Variants in GRIA3 observed in about 807,000 individuals in gnomAD.
GRIA3 encodes glutamate receptor 3.
GRIA3 carries 3 observed loss-of-function variants against 63.0 expected under a neutral mutation model. That is an observed-to-expected ratio of 0.05 (90% CI 0.02 to 0.12). The LOEUF (loss-of-function observed/expected upper bound fraction) is 0.12, where lower values mean the gene tolerates loss of function less well. Ranked by LOEUF, GRIA3 falls within the 10% of genes least tolerant of loss-of-function variation. GRIA3 has a pLI of 1.00. For missense variants in GRIA3, 347 were observed against 700.9 expected, an observed-to-expected ratio of 0.50 and a Z score of 5.70; for synonymous variants, 274 against 257.9, an observed-to-expected ratio of 1.06 and a Z score of -0.60.
intron 2 of GRIA3, among the ~76,000 whole-genome samples, chrX:123,229,183 G>A (rs1204390044): frequency 9.0e-6 from 1 of 111,213 alleles, no homozygotes; most frequent in African/African-American, 3.3e-5. Flanking sequence ...GGCCAGCAGT[G>A]TACTCAAGGG....
At chrX:123,356,516 G>T (rs2045134930) in intron 5 of GRIA3, among the ~76,000 whole-genome samples, 1 of 111,518 alleles carries the variant, frequency 9.0e-6, no homozygotes, top group African/African-American at 3.3e-5. Context: ...TCCTTACTAT[G>T]TATTAGAAAA....
intron 3 of GRIA3, among the ~76,000 whole-genome samples, chrX:123,277,734 G>A (rs2044563356): frequency 8.9e-6 from 1 of 112,158 alleles, no homozygotes; most frequent in Admixed American, 9.5e-5. Flanking sequence ...TCAAATCACA[G>A]TTCTATGTCG....
intron 3 of GRIA3, among the ~76,000 whole-genome samples, chrX:123,313,420 A>AG (rs1315919192): frequency 5.4e-5 from 6 of 111,236 alleles, no homozygotes; most frequent in Non-Finnish European, 1.1e-4. Flanking sequence ...TACCTTTGAC[A>AG]GCCCTCCAAT....
At chrX:123,246,007 C>A (rs1011637401) in intron 2 of GRIA3, among the ~76,000 whole-genome samples, 3 of 111,007 alleles carry the variant, frequency 2.7e-5, no homozygotes, top group Non-Finnish European at 5.7e-5. Context: ...TCAGAGCTGC[C>A]CTCCAAGGGA....
At chrX:123,205,142 C>G (rs150326109) in intron 2 of GRIA3, among the ~76,000 whole-genome samples, 1,795 of 111,599 alleles carry the variant, frequency 0.016, 7 homozygotes, top group Non-Finnish European at 0.025. Flanking sequence ...ATCCACTTTA[C>G]AGTTTAAAGA....
chrX:123,237,438 A>G (rs2044307551), intron 2 of GRIA3, among the ~76,000 whole-genome samples: 2 of 112,041 alleles, frequency 1.8e-5, no homozygotes, highest in African/African-American at 6.5e-5. Flanking sequence ...CTTAGGGCCC[A>G]GTCACTGCGT....
At chrX:123,262,929 C>A (rs183722997) in intron 3 of GRIA3, among the ~76,000 whole-genome samples, 3 of 111,108 alleles carry the variant, frequency 2.7e-5, no homozygotes, top group African/African-American at 9.8e-5. Context: ...TGCTCCCAAA[C>A]GTCACAGCTC....
chrX:123,438,544 A>G (rs1421427674), intron 12 of GRIA3, among the ~76,000 whole-genome samples: 1 of 111,594 alleles, frequency 9.0e-6, no homozygotes, highest in East Asian at 2.8e-4. Context: ...TTTTTCCAAG[A>G]TGGAGTCTTG....
At chrX:123,191,006 G>A (rs893348341) in intron 2 of GRIA3, among the ~76,000 whole-genome samples, 1 of 112,013 alleles carries the variant, frequency 8.9e-6, no homozygotes, top group Non-Finnish European at 1.9e-5. Context: ...TTATACAGTT[G>A]GTTTAAGGAT....
At chrX:123,191,883 T>C (rs1367395981) in intron 2 of GRIA3, among the ~76,000 whole-genome samples, 1 of 111,221 alleles carries the variant, frequency 9.0e-6, no homozygotes, top group African/African-American at 3.3e-5. Flanking sequence ...AGGGTTAATA[T>C]ATGTAACGGG....
chrX:123,322,566 CT>C lies in GRIA3; in HGVS notation c.509-3451del, dbSNP rs200856060. Among the ~76,000 whole-genome samples, 51 of 110,125 alleles carry C rather than the reference CT, an allele frequency of 4.6e-4. No homozygotes were observed. The East Asian group carries it at 9.8e-3, about 21-fold the overall frequency. ...TCTGCCTCCTGTGTCAAATTTTTCT[CT>C]TTTTTTTTCTCCCTCAAGCGCATAT... On this transcript the variant is annotated intron_variant, in intron 3 of 15. Transcript: ENST00000620443.
intron 2 of GRIA3, among the ~76,000 whole-genome samples, chrX:123,204,850 A>C (rs950668358): frequency 1.8e-5 from 2 of 112,028 alleles, no homozygotes; most frequent in Non-Finnish European, 3.8e-5. Context: ...GCCTAAAGAT[A>C]ATTTCTCTTC....
At chrX:123,325,981 A>T in intron 3 of GRIA3, 45 bp from the exon 4 acceptor site, 6 of 1,072,958 alleles carry the variant, frequency 5.6e-6, no homozygotes, top group Non-Finnish European at 6.5e-6. Flanking sequence ...TTTAATACCT[A>T]CAGAAAGATT....
chrX:123,293,718 C>T (rs1396287123), intron 3 of GRIA3, among the ~76,000 whole-genome samples: 1 of 110,226 alleles, frequency 9.1e-6, no homozygotes, highest in Non-Finnish European at 1.9e-5. Flanking sequence ...GAAGAAGACA[C>T]TGGATATTAA....
rs1603060310 is a variant in GRIA3 at position 123,271,472 on chromosome X, G to A, written c.508+17930G>A. On this transcript the variant is annotated intron_variant, in intron 3 of 15. Coordinates refer to ENST00000620443, the MANE Select transcript of GRIA3 (RefSeq NM_007325.5). ...TTCACACAGCTAATGAGCAGTGAAC[G>A]CGGGACTAAAGCCCGTTTCCTAACA... 2.7e-5 allele frequency among the ~76,000 whole-genome samples: 3 copies of A among 111,689 alleles called. No homozygotes were observed. In the Admixed American group the frequency reaches 2.9e-4, roughly 11 times the overall value.
At chrX:123,262,917 A>G (rs1158567037) in intron 3 of GRIA3, among the ~76,000 whole-genome samples, 7 of 111,293 alleles carry the variant, frequency 6.3e-5, no homozygotes, top group Non-Finnish European at 1.3e-4. Flanking sequence ...CATTCCCATC[A>G]ATGCTCCCAA....
At chrX:123,213,857 G>A (rs932865261) in intron 2 of GRIA3, among the ~76,000 whole-genome samples, 26 of 112,070 alleles carry the variant, frequency 2.3e-4, no homozygotes, top group African/African-American at 8.1e-4. Flanking sequence ...ATGCAGCAGG[G>A]CAGCTTTCTC....
At chrX:123,337,556 T>G (rs992895447) in intron 4 of GRIA3, among the ~76,000 whole-genome samples, 5 of 111,461 alleles carry the variant, frequency 4.5e-5, no homozygotes, top group African/African-American at 1.6e-4. Context: ...AATCAGAACC[T>G]GGGGATTATG....
chrX:123,461,305 C>T (rs938888512), intron 12 of GRIA3, among the ~76,000 whole-genome samples: 1 of 112,031 alleles, frequency 8.9e-6, no homozygotes, highest in Admixed American at 9.4e-5. Context: ...GGAAGACAGA[C>T]ACATAGTCAA....
Sources: gnomAD v4.1 joint callset for allele counts (sites outside exome capture counted in the v4.1 genomes callset) on GRCh38, gnomAD v4.1.1 for gene constraint, MANE v1.5 for transcripts, NCBI Gene and HGNC (gene_info 2026-07-23, HGNC 2026-07-21) for gene names.